The following SMOC2 variants were observed in gnomAD, a reference collection of about 807,000 sequenced individuals.
The protein encoded by SMOC2 is SPARC related modular calcium binding 2.
In SMOC2, 39 loss-of-function variants were observed where a neutral mutation model predicts 61.4. That is an observed-to-expected ratio of 0.64 (90% CI 0.49 to 0.83). The LOEUF is 0.83. Among genes scored for constraint, SMOC2 ranks in the 40% least tolerant of loss-of-function variants. The pLI, the probability that SMOC2 is intolerant of heterozygous loss-of-function variation, is 0.00. For synonymous variants in SMOC2, 247 were observed against 239.9 expected (o/e 1.03, Z -0.27); for missense variants, 556 against 592.9 (o/e 0.94, Z 0.65).
intron 8 of SMOC2, among the ~76,000 whole-genome samples, chr6:168,605,148 G>C (rs1340048179): frequency 1.3e-5 from 2 of 152,160 alleles, no homozygotes; most frequent in African/African-American, 4.8e-5. Flanking sequence ...TTCATGCCCA[G>C]AACAGAGAGG....
intron 4 of SMOC2, among the ~76,000 whole-genome samples, chr6:168,530,793 C>T (rs939852528): frequency 5.9e-5 from 9 of 152,086 alleles, no homozygotes; most frequent in Non-Finnish European, 7.3e-5. Context: ...GATTAAGATC[C>T]CAGCTCTTCC....
intron 7 of SMOC2, among the ~76,000 whole-genome samples, chr6:168,552,024 G>A (rs898436122): frequency 1.3e-5 from 2 of 152,174 alleles, no homozygotes; most frequent in Admixed American, 6.5e-5. Context: ...TAAGTCAGCC[G>A]AGATGAGTGG....
At chr6:168,524,112 C>T (rs1783401392) in intron 2 of SMOC2, among the ~76,000 whole-genome samples, 1 of 152,050 alleles carries the variant, frequency 6.6e-6, no homozygotes, top group South Asian at 2.1e-4. Context: ...TTTCTGAGTG[C>T]TCATTCTCTG....
intron 1 of SMOC2, among the ~76,000 whole-genome samples, chr6:168,497,208 G>T (rs369177710): frequency 1.3e-5 from 2 of 152,214 alleles, no homozygotes; most frequent in South Asian, 4.1e-4. Flanking sequence ...TCCTTCCCTC[G>T]CAGAGGAGCC....
intron 2 of SMOC2, among the ~76,000 whole-genome samples, chr6:168,514,970 G>A (rs1003033778): frequency 3.3e-5 from 5 of 152,148 alleles, no homozygotes; most frequent in African/African-American, 7.2e-5. Flanking sequence ...ATGTGACTTC[G>A]GATCTTTGCC....
chr6:168,657,642 G>A (rs1457836033), intron 11 of SMOC2, among the ~76,000 whole-genome samples: 1 of 152,172 alleles, frequency 6.6e-6, no homozygotes, highest in Non-Finnish European at 1.5e-5. Flanking sequence ...AGAACACCAT[G>A]GATGGGATAC....
chr6:168,549,434 G>T (rs958224875), intron 7 of SMOC2, among the ~76,000 whole-genome samples: 4 of 152,036 alleles, frequency 2.6e-5, no homozygotes, highest in African/African-American at 4.8e-5. Flanking sequence ...CACATAGTTT[G>T]TATGTTATAT....
At chr6:168,652,399 A>G (rs1395450414) in intron 10 of SMOC2, among the ~76,000 whole-genome samples, 1 of 152,120 alleles carries the variant, frequency 6.6e-6, no homozygotes, top group Non-Finnish European at 1.5e-5. Context: ...CCTCCATCTC[A>G]CGGAGAAGGT....
At chr6:168,494,378 A>G (rs6938236) in intron 1 of SMOC2, among the ~76,000 whole-genome samples, 27,480 of 152,224 alleles carry the variant, frequency 0.18, 5,430 homozygotes, top group African/African-American at 0.47. Context: ...CAGTAAATAC[A>G]TGAAAAGAGT....
In SMOC2 at chr6:168,523,130, G is replaced by T. The variant is rs1350317608; in HGVS notation, c.257-3216G>T. 7.7e-5 allele frequency among the ~76,000 whole-genome samples: 8 copies of T among 104,212 alleles called. No homozygotes were observed. In the Admixed American group the frequency reaches 9.9e-4, roughly 13 times the overall value. 68.4% of individuals were successfully genotyped at this position (104,212 alleles called of 152,430 possible). On this transcript the variant is annotated intron_variant, in intron 2 of 12. Transcript: ENST00000356284. Reference sequence around the variant, plus strand: ...GGAGTCTCGCTCTGTCGCCCAGGCCGGACTGCGGACTGCAGTGGCGCAATC... The same window carrying T: ...GGAGTCTCGCTCTGTCGCCCAGGCCTGACTGCGGACTGCAGTGGCGCAATC...
intron 7 of SMOC2, among the ~76,000 whole-genome samples, chr6:168,558,273 C>T (rs1170723730): frequency 3.9e-5 from 6 of 152,264 alleles, no homozygotes; most frequent in African/African-American, 7.2e-5. Flanking sequence ...GGGGAGGAGA[C>T]GGGAGAGTGG....
chr6:168,514,250 C>T, intron 2 of SMOC2, among the ~76,000 whole-genome samples: 1 of 152,200 alleles, frequency 6.6e-6, no homozygotes, highest in East Asian at 1.9e-4. Context: ...CAAGGACACA[C>T]AGCGCCCACC....
At chr6:168,492,752 T>C (rs533479415) in intron 1 of SMOC2, among the ~76,000 whole-genome samples, 1 of 152,344 alleles carries the variant, frequency 6.6e-6, no homozygotes, top group South Asian at 2.1e-4. Context: ...CAGAGGCACA[T>C]ACCTGTCCTG....
At chr6:168,623,329 A>ATTTTTTTTTTTTTTTTTTTTT (rs11284179) in intron 9 of SMOC2, among the ~76,000 whole-genome samples, 1 of 129,108 alleles carries the variant, frequency 7.7e-6, no homozygotes, top group Non-Finnish European at 1.6e-5. Context: ...TGGATAATTA[A>ATTTTTTTTTTTTTTTTTTTTT]TTTTTTTTTT....
chr6:168,634,938 A>G (rs1295611911), intron 9 of SMOC2, among the ~76,000 whole-genome samples: 1 of 152,200 alleles, frequency 6.6e-6, no homozygotes, highest in Non-Finnish European at 1.5e-5. Context: ...GGCTCAAGGA[A>G]TACATTACTT....
chr6:168,645,760 C>T (rs192159815), intron 9 of SMOC2, among the ~76,000 whole-genome samples: 39 of 152,282 alleles, frequency 2.6e-4, no homozygotes, highest in African/African-American at 8.2e-4. Flanking sequence ...CACGCAGGCC[C>T]CCAATGGGAG....
intron 7 of SMOC2, among the ~76,000 whole-genome samples, chr6:168,557,430 C>T (rs1784275759): frequency 6.6e-6 from 1 of 152,198 alleles, no homozygotes; most frequent in Non-Finnish European, 1.5e-5. Flanking sequence ...TATTCAATCA[C>T]ACTGTGGTTA....
intron 7 of SMOC2, among the ~76,000 whole-genome samples, chr6:168,557,839 G>C (rs538746799): frequency 6.6e-6 from 1 of 152,254 alleles, no homozygotes. Flanking sequence ...CTGATTCTTA[G>C]AATAGCCATG....
At chr6:168,590,808 ACTC>A (rs1211697956) in intron 7 of SMOC2, among the ~76,000 whole-genome samples, 1 of 151,868 alleles carries the variant, frequency 6.6e-6, no homozygotes, top group African/African-American at 2.4e-5. Context: ...TCATCTAAAA[ACTC>A]CTCTTGGTTG....
Sources: gnomAD v4.1 joint callset for allele counts (sites outside exome capture counted in the v4.1 genomes callset) on GRCh38, gnomAD v4.1.1 for gene constraint, MANE v1.5 for transcripts, NCBI Gene and HGNC (gene_info 2026-07-23, HGNC 2026-07-21) for gene names.